The following FAM78A variants were observed in gnomAD, a reference collection of about 807,000 sequenced individuals.
FAM78A encodes family with sequence similarity 78 member A.
A neutral mutation model predicts 22.6 loss-of-function variants in FAM78A; 12 were observed. The ratio of observed to expected loss-of-function variants is 0.53; its 90% CI spans 0.34 to 0.86. FAM78A has a LOEUF of 0.86. Ranked by LOEUF, FAM78A falls within the 40% of genes least tolerant of loss-of-function variation. The probability of loss-of-function intolerance (pLI) is 0.02; values close to 1 mark genes in which losing one functional copy is unlikely to be tolerated. For synonymous variants in FAM78A, 151 were observed against 155.8 expected, an observed-to-expected ratio of 0.97 and a Z score of 0.23; for missense variants, 322 against 396.1, an observed-to-expected ratio of 0.81 and a Z score of 1.59.
In FAM78A at chr9:131,268,964, C is replaced by T. The variant is rs185782253; in HGVS notation, c.323+6893G>A. ...CCTGTAATCCCAGCACTTTGGGAGCCAGAGGAAGGTGGATTGCTTGAGGTC... is the reference window on the plus strand; with the variant it reads ...CCTGTAATCCCAGCACTTTGGGAGCTAGAGGAAGGTGGATTGCTTGAGGTC... On this transcript the variant is annotated intron_variant, in intron 1 of 1. Transcript: ENST00000372271. Among the ~76,000 whole-genome samples, 4 of 151,684 alleles carry T rather than the reference C, an allele frequency of 2.6e-5. No homozygotes were observed. In the East Asian group the frequency reaches 5.8e-4, roughly 22 times the overall value.
Position 131,275,971 on chromosome 9 carries a change from C to G in FAM78A, c.209G>C (p.Arg70Pro). The G allele has an allele frequency of 6.2e-7, 1 of 1,613,566 alleles. No individual in the cohort carries two copies. Among genetic ancestry groups the G allele is most frequent in the Non-Finnish European group, 8.5e-7 (1 of 1,180,022 alleles). The change falls in exon 1 of 2, where the codon CGG (arginine) becomes CCG (proline). Residue 70 changes from arginine to proline, a missense_variant. Coordinates refer to ENST00000372271, the MANE Select transcript of FAM78A (RefSeq NM_033387.4). This position sits in a 1 kb window ranked among gnomAD's most constrained non-coding sequence, Gnocchi z 4.6. ...CGGCATGACCACCTGGGCCGAGGCC[C>G]GGAAGTGGGGTGTCCGGTAGCGGAG... ...VVLRYRTPHF[R>P]ASAQVVMPPI... is the part of the protein sequence containing the mutation.
In FAM78A at chr9:131,261,349, A is replaced by C. The variant is rs1835266423; in HGVS notation, c.325T>G (p.Ser109Ala). Residue 109 changes from serine (S) to alanine (A), a missense_variant and splice_region_variant, in exon 2 of 2, where the codon TCC becomes GCC. Coordinates refer to ENST00000372271, the MANE Select transcript of FAM78A (RefSeq NM_033387.4). The surrounding 1 kb of genome is among the most constrained non-coding windows in gnomAD (Gnocchi z 7.1). ...FYNQYGEQGM[S>A]SWELPDLQEG... ...TGGAGGTCGGGGAGCTCCCAGCTGG[A>C]CCTGAGGACAAGGAAGGCCAGTTCA... 6.3e-7 allele frequency: 1 copy of C among 1,577,168 alleles called. No homozygotes were observed. The highest frequency in any genetic ancestry group is 1.8e-5 in the Admixed American group (1 of 56,678).
At position 131,275,351 on chromosome 9, in the gene FAM78A, T is replaced by C. The variant is rs1835468949; in HGVS notation, c.323+506A>G. Among the ~76,000 whole-genome samples, 5 of 152,208 alleles carry C rather than the reference T, an allele frequency of 3.3e-5. No individual in the cohort carries two copies. Among genetic ancestry groups the C allele is most frequent in the Admixed American group, 2.6e-4 (4 of 15,284 alleles). On this transcript the variant is annotated intron_variant, in intron 1 of 1. Transcript: ENST00000372271. The surrounding 1 kb of genome is among the most constrained non-coding windows in gnomAD (Gnocchi z 4.6). ...TGGAACGGGGAAGCACTCCCCCAGC[T>C]CCTGGCATACACTGGTAAAAGCCAG...
chr9:131,275,735 C>T lies in FAM78A; in HGVS notation c.323+122G>A. 1 of 1,094,180 alleles carries T rather than the reference C, an allele frequency of 9.1e-7. No homozygotes were observed. The highest frequency in any genetic ancestry group is 1.3e-6 in the Non-Finnish European group (1 of 783,764). 67.8% of individuals were successfully genotyped at this position (1,094,180 alleles called of 1,614,324 possible). ...CCACCTGCATACCTGCCTAAAGCTT[C>T]CCTCTGGCCTCCGTCCTGTCTTCAT... On this transcript the variant is annotated intron_variant, in intron 1 of 1. Transcript: ENST00000372271. The surrounding 1 kb of genome is among the most constrained non-coding windows in gnomAD (Gnocchi z 4.6).
intron 1 of FAM78A, chr9:131,263,651 G>A (rs1421891391): frequency 6.1e-6 from 1 of 162,604 alleles, no homozygotes; most frequent in Admixed American, 6.4e-5. Context: ...TTTATAAAAT[G>A]TTACATAGGC....
upstream of FAM78A, among the ~76,000 whole-genome samples, chr9:131,279,533 A>T (rs1588202558): frequency 6.6e-6 from 1 of 152,330 alleles, no homozygotes. Flanking sequence ...CCTGGAAATG[A>T]GGTGACAAGT....
chr9:131,270,182 G>T (rs1271997741), intron 1 of FAM78A: 1 of 688,150 alleles, frequency 1.5e-6, no homozygotes, highest in Admixed American at 2.1e-5. Flanking sequence ...CTCCAGCCTG[G>T]GTGACAAGAG....
At chr9:131,267,730 GA>G (rs1835361682) in intron 1 of FAM78A, among the ~76,000 whole-genome samples, 1 of 152,150 alleles carries the variant, frequency 6.6e-6, no homozygotes, top group South Asian at 2.1e-4. Context: ...GGCACCTTAA[GA>G]AACACCTTTA....
intron 1 of FAM78A, chr9:131,264,407 C>T (rs1835315701): frequency 1.7e-6 from 1 of 583,886 alleles, no homozygotes; most frequent in African/African-American, 1.9e-5. Flanking sequence ...GCGTGGATCC[C>T]TCCACCTGGG....
chr9:131,276,358 T>C lies in FAM78A; in HGVS notation c.-179A>G, dbSNP rs547736726. On this transcript the variant is annotated 5_prime_UTR_variant, in exon 1 of 2. Transcript: ENST00000372271. This position sits in a 1 kb window ranked among gnomAD's most constrained non-coding sequence, Gnocchi z 4.3. ...ATTTCATGAGCCCTGGGCTCTCTCT[T>C]CTTCTCCTCGCAGTGGACAAAAATC... 181 of 546,760 alleles carry C rather than the reference T, an allele frequency of 3.3e-4. 1 individual carries two copies. Among genetic ancestry groups the C allele is most frequent in the African/African-American group, 3.0e-3 (161 of 52,878 alleles). 33.9% of individuals were successfully genotyped at this position (546,760 alleles called of 1,614,324 possible).
chr9:131,275,876 G>T lies in FAM78A; in HGVS notation c.304C>A (p.Gln102Lys). The T allele has an allele frequency of 6.2e-7, 1 of 1,601,328 alleles. No homozygotes were observed. Residue 102 changes from glutamine (Q) to lysine (K), a missense_variant, in exon 1 of 2, where the codon CAG (glutamine) becomes AAG (lysine). Physicochemically the swap from Gln to Lys is moderately conservative, Grantham distance 53 (BLOSUM62 1). Transcript: ENST00000372271. The surrounding 1 kb of genome is among the most constrained non-coding windows in gnomAD (Gnocchi z 4.6). ...ACTCACATGCCCTGCTCGCCGTACT[G>T]GTTGTAGAACTCCATGTGGCTGCAC... ...QACSHMEFYN[Q>K]YGEQGMSSWE...
intron 1 of FAM78A, among the ~76,000 whole-genome samples, chr9:131,262,082 C>T (rs1835277918): frequency 6.6e-6 from 1 of 151,852 alleles, no homozygotes; most frequent in Non-Finnish European, 1.5e-5. Flanking sequence ...CAAAAATTCA[C>T]TTTGGGAGGC....
upstream of FAM78A, among the ~76,000 whole-genome samples, chr9:131,279,415 C>T (rs1835520932): frequency 2.0e-5 from 3 of 152,226 alleles, no homozygotes; most frequent in African/African-American, 7.2e-5. Flanking sequence ...CTGCACTACC[C>T]AGTTTATATG....
At chr9:131,266,140 C>T (rs1308842729) in intron 1 of FAM78A, among the ~76,000 whole-genome samples, 4 of 152,158 alleles carry the variant, frequency 2.6e-5, no homozygotes, top group Non-Finnish European at 5.9e-5. Flanking sequence ...CCTTCTCCTC[C>T]TCTGCCTCCA....
chr9:131,258,420 C>T lies in FAM78A; in HGVS notation c.*2402G>A, dbSNP rs1835216977. The stretch of plus-strand genomic sequence containing the variant: ...CAGCCTCTCCAGGGTGTTCCTAGCC[C>T]TTCTTCGGTGAGGAAGGGCAGAAAG... On this transcript the variant is annotated 3_prime_UTR_variant, in exon 2 of 2. Coordinates refer to ENST00000372271, the MANE Select transcript of FAM78A (RefSeq NM_033387.4). 1 of 151,486 alleles carries T rather than the reference C, an allele frequency of 6.6e-6. No homozygotes were observed. Among genetic ancestry groups the T allele is most frequent in the Non-Finnish European group, 1.5e-5 (1 of 67,966 alleles). 9.4% of individuals were successfully genotyped at this position (151,486 alleles called of 1,614,324 possible). A position where few individuals can be genotyped will look rare whatever the true frequency, so the allele number is the denominator to read the frequency against.
In FAM78A at chr9:131,276,239, C is replaced by T; in HGVS notation, c.-60G>A. The T allele has an allele frequency of 7.1e-7, 1 of 1,406,496 alleles. No homozygotes were observed. The highest frequency in any genetic ancestry group is 9.8e-7 in the Non-Finnish European group (1 of 1,020,818). 87.1% of individuals were successfully genotyped at this position (1,406,496 alleles called of 1,614,324 possible). On this transcript the variant is annotated 5_prime_UTR_variant, in exon 1 of 2. An upstream open reading frame in the 5' UTR loses its in-frame stop. Coordinates refer to ENST00000372271, the MANE Select transcript of FAM78A (RefSeq NM_033387.4). This position sits in a 1 kb window ranked among gnomAD's most constrained non-coding sequence, Gnocchi z 4.3. ...GGCGCTGCTCTCCAATCTCAACTCT[C>T]AAGACCGATATCCATAGGATAGAAA...
At position 131,258,993 on chromosome 9, in the gene FAM78A, C is replaced by T. The variant is rs1270324908; in HGVS notation, c.*1829G>A. ...AGTGGCTAAACGGTCATTAAGCACC[C>T]CTTGAATAAACGCAATAGCCCGTGG... On this transcript the variant is annotated 3_prime_UTR_variant, in exon 2 of 2. Transcript: ENST00000372271. 1 of 152,676 alleles carries T rather than the reference C, an allele frequency of 6.5e-6. No homozygotes were observed. The highest frequency in any genetic ancestry group is 2.4e-5 in the African/African-American group (1 of 41,472). 9.5% of individuals were successfully genotyped at this position (152,676 alleles called of 1,614,324 possible). A position where few individuals can be genotyped will look rare whatever the true frequency, so the allele number is the denominator to read the frequency against.
In FAM78A at chr9:131,264,115, G is replaced by T. The variant is rs558622124; in HGVS notation, c.324-2765C>A. 1.5e-4 allele frequency: 24 copies of T among 155,726 alleles called. No individual in the cohort carries two copies. In the South Asian group the frequency reaches 3.2e-3, roughly 21 times the overall value. 9.6% of individuals were successfully genotyped at this position (155,726 alleles called of 1,614,324 possible). On this transcript the variant is annotated intron_variant, in intron 1 of 1. Coordinates refer to ENST00000372271, the MANE Select transcript of FAM78A (RefSeq NM_033387.4). ...CTTGGAAAAGTTTTCCGTTTTTTTG[G>T]TTTTTCAGGGCAGGAAGCAAACTTG...
In FAM78A at chr9:131,260,991, C is replaced by T. The variant is rs138534021; in HGVS notation, c.683G>A (p.Arg228His). 9 of 1,613,420 alleles carry T rather than the reference C, an allele frequency of 5.6e-6. No homozygotes were observed. Among genetic ancestry groups the T allele is most frequent in the African/African-American group, 4.0e-5 (3 of 74,922 alleles). Residue 228 changes from arginine (R) to histidine (H), a missense_variant, in exon 2 of 2, where the codon CGC (arginine) becomes CAC (histidine). Coordinates refer to ENST00000372271, the MANE Select transcript of FAM78A (RefSeq NM_033387.4). The surrounding 1 kb of genome is among the most constrained non-coding windows in gnomAD (Gnocchi z 5.4). ...EVNPNRPLGQ[R>H]ARLREPIAQD... ...GGCGATGGGCTCCCGCAGCCGGGCG[C>T]GCTGGCCCAGGGGCCGGTTGGGGTT...
Sources: gnomAD v4.1 joint callset for allele counts (sites outside exome capture counted in the v4.1 genomes callset) on GRCh38, gnomAD v4.1.1 for gene constraint, Gnocchi (gnomAD v3.1) non-coding constraint, MANE v1.5 for transcripts, NCBI Gene and HGNC (gene_info 2026-07-23, HGNC 2026-07-21) for gene names.